Variants in PPP1R14C observed in about 807,000 individuals in gnomAD.
The protein encoded by PPP1R14C is protein phosphatase 1 regulatory subunit 14C.
A neutral mutation model predicts 20.4 loss-of-function variants in PPP1R14C; 16 were observed. The ratio of observed to expected loss-of-function variants is 0.78; its 90% CI spans 0.53 to 1.19. The LOEUF is 1.19. Among genes scored for constraint, PPP1R14C ranks in the 50% most tolerant of loss-of-function variants. The pLI, the probability that PPP1R14C is intolerant of heterozygous loss-of-function variation, is 0.00. For missense variants in PPP1R14C, 211 were observed against 220.1 expected (o/e 0.96, Z 0.26); for synonymous variants, 91 against 91.0 (o/e 1.00, Z 0.00).
chr6:150,168,533 C>CAACAAAACAAAACAAAACAACACAA (rs1777461844), intron 1 of PPP1R14C, among the ~76,000 whole-genome samples: 1 of 148,892 alleles, frequency 6.7e-6, no homozygotes, highest in Non-Finnish European at 1.5e-5. Flanking sequence ...ACTCCCGTCT[C>CAACAAAACAAAACAAAACAACACAA]AACAAAACAA....
At chr6:150,159,976 T>A (rs143054293) in intron 1 of PPP1R14C, among the ~76,000 whole-genome samples, 59 of 152,316 alleles carry the variant, frequency 3.9e-4, no homozygotes, top group Middle Eastern at 3.4e-3. Flanking sequence ...TGTGGAGTAC[T>A]TTTTAGGTAT....
chr6:150,172,585 G>A (rs991337730), intron 1 of PPP1R14C, among the ~76,000 whole-genome samples: 6 of 152,166 alleles, frequency 3.9e-5, no homozygotes, highest in African/African-American at 1.4e-4. Flanking sequence ...GAGAGCTGAT[G>A]TTAGGCATAT....
intron 1 of PPP1R14C, chr6:150,195,914 T>C: frequency 1.0e-6 from 1 of 985,406 alleles, no homozygotes; most frequent in Non-Finnish European, 1.2e-6. Flanking sequence ...TGGGCAGTGA[T>C]TGGCCTGAAT....
intron 3 of PPP1R14C, among the ~76,000 whole-genome samples, chr6:150,248,298 A>G (rs1283837187): frequency 2.0e-5 from 3 of 152,190 alleles, no homozygotes. Context: ...TTTGAGGCAC[A>G]CTAGTCCAGC....
At chr6:150,193,482 T>G (rs1777769048) in intron 1 of PPP1R14C, among the ~76,000 whole-genome samples, 1 of 151,574 alleles carries the variant, frequency 6.6e-6, no homozygotes, top group Non-Finnish European at 1.5e-5. Flanking sequence ...CAGGAGTGAG[T>G]AAGAGAAAGG....
chr6:150,188,280 A>G (rs1018778490), intron 1 of PPP1R14C, among the ~76,000 whole-genome samples: 2 of 152,196 alleles, frequency 1.3e-5, no homozygotes, highest in Non-Finnish European at 2.9e-5. Context: ...ATGTATTTTC[A>G]TGAATCTTCT....
intron 3 of PPP1R14C, among the ~76,000 whole-genome samples, chr6:150,219,554 A>G (rs1778141681): frequency 6.6e-6 from 1 of 151,892 alleles, no homozygotes; most frequent in Admixed American, 6.6e-5. Context: ...ACCAATTGGT[A>G]TTTTTTGTTG....
intron 1 of PPP1R14C, among the ~76,000 whole-genome samples, chr6:150,145,419 T>C (rs180879940): frequency 5.2e-4 from 79 of 152,328 alleles, no homozygotes; most frequent in African/African-American, 1.9e-3. Flanking sequence ...GTATTTTTCT[T>C]CAAGTTGTTT....
At chr6:150,192,162 G>A (rs1018756212) in intron 1 of PPP1R14C, among the ~76,000 whole-genome samples, 8 of 152,172 alleles carry the variant, frequency 5.3e-5, no homozygotes, top group Non-Finnish European at 1.0e-4. Context: ...CATTCTGTGG[G>A]CTTGATTTGG....
At chr6:150,205,635 A>G (rs1276447067) in intron 1 of PPP1R14C, among the ~76,000 whole-genome samples, 1 of 151,946 alleles carries the variant, frequency 6.6e-6, no homozygotes, top group Non-Finnish European at 1.5e-5. Flanking sequence ...TCTACTGAAA[A>G]TACAAAAATT....
rs762651965 is a variant in PPP1R14C at position 150,214,827 on chromosome 6, G to A, written c.390G>A (p.Gln130=). 1 of 1,606,212 alleles carries A rather than the reference G, an allele frequency of 6.2e-7. No homozygotes were observed. Among genetic ancestry groups the A allele is most frequent in the Non-Finnish European group, 8.5e-7 (1 of 1,175,930 alleles). ...ATGAAGAGAGAGCTTCAAAATTACA[G>A]GTAAGCAGTTTCCAAAATTGAGAAC... ...DSDEERASKL[Q]EALVDCYKPT... Residue 130 remains glutamine, a splice_region_variant and synonymous_variant, in exon 2 of 4, where the codon CAG becomes CAA. Transcript: ENST00000361131.
intron 1 of PPP1R14C, among the ~76,000 whole-genome samples, chr6:150,145,875 A>G (rs1777174794): frequency 6.6e-6 from 1 of 152,224 alleles, no homozygotes; most frequent in South Asian, 2.1e-4. Flanking sequence ...ACACATCTTT[A>G]ATTTCAGAAG....
chr6:150,178,324 G>A (rs1411848992), intron 1 of PPP1R14C, among the ~76,000 whole-genome samples: 1 of 152,188 alleles, frequency 6.6e-6, no homozygotes, highest in Non-Finnish European at 1.5e-5. Context: ...CTGAATGCAG[G>A]CAGAGAAGTC....
chr6:150,248,826 G>C lies in PPP1R14C; in HGVS notation c.*6G>C. ...CGCAGAAGAAGAGTGTATGATTCTG[G>C]AACAGGGTGAAACTCTCCCAGAGAC... On this transcript the variant is annotated 3_prime_UTR_variant, in exon 4 of 4. Coordinates refer to ENST00000361131, the MANE Select transcript of PPP1R14C (RefSeq NM_030949.3). 2 of 1,599,052 alleles carry C rather than the reference G, an allele frequency of 1.3e-6. No homozygotes were observed. Among genetic ancestry groups the C allele is most frequent in the Non-Finnish European group, 8.6e-7 (1 of 1,166,918 alleles).
chr6:150,227,987 G>A (rs1778249188), intron 3 of PPP1R14C, among the ~76,000 whole-genome samples: 1 of 152,186 alleles, frequency 6.6e-6, no homozygotes, highest in South Asian at 2.1e-4. Flanking sequence ...AGGTAAAAGA[G>A]CCGTACGTGC....
intron 2 of PPP1R14C, among the ~76,000 whole-genome samples, chr6:150,216,409 T>C (rs1778093546): frequency 1.3e-5 from 2 of 152,070 alleles, no homozygotes; most frequent in African/African-American, 4.8e-5. Context: ...GGCAGGAGAA[T>C]CACTTGAACT....
At chr6:150,161,276 T>TTA (rs1777364758) in intron 1 of PPP1R14C, among the ~76,000 whole-genome samples, 2 of 148,818 alleles carry the variant, frequency 1.3e-5, no homozygotes. Context: ...CAAGACTGTT[T>TTA]AAAAAAAAAA....
chr6:150,155,022 C>A (rs1777290856), intron 1 of PPP1R14C, among the ~76,000 whole-genome samples: 1 of 152,082 alleles, frequency 6.6e-6, no homozygotes, highest in Non-Finnish European at 1.5e-5. Context: ...TGTCCTTTAT[C>A]TTGGCACCTC....
intron 3 of PPP1R14C, among the ~76,000 whole-genome samples, chr6:150,220,717 C>G (rs747884996): frequency 6.6e-6 from 1 of 152,168 alleles, no homozygotes; most frequent in East Asian, 1.9e-4. Context: ...TGCCTGGCTT[C>G]GCAGCCAACA....
Sources: allele counts gnomAD v4.1 joint callset (sites outside exome capture counted in the v4.1 genomes callset), GRCh38; gene constraint gnomAD v4.1.1; transcripts MANE v1.5; gene names NCBI Gene and HGNC (gene_info 2026-07-23, HGNC 2026-07-21).